Variants in RNLS observed in about 807,000 individuals in gnomAD.
The protein encoded by RNLS is renalase, FAD dependent amine oxidase.
A neutral mutation model predicts 39.8 loss-of-function variants in RNLS; 39 were observed. That is an observed-to-expected ratio of 0.98 (90% CI 0.76 to 1.28). The LOEUF (loss-of-function observed/expected upper bound fraction) is 1.28. Among genes scored for constraint, RNLS ranks in the 50% most tolerant of loss-of-function variants. The pLI is 0.00. For missense variants in RNLS, 410 were observed against 413.3 expected (o/e 0.99, Z 0.07); for synonymous variants, 147 against 150.7 (o/e 0.98, Z 0.18).
intron 4 of RNLS, among the ~76,000 whole-genome samples, chr10:88,424,664 G>A (rs779904551): frequency 2.0e-5 from 3 of 152,104 alleles, no homozygotes; most frequent in Non-Finnish European, 4.4e-5. Context: ...ATAGGGTAAC[G>A]AGTAAAAGAA....
At chr10:88,407,454 G>A (rs1853353659) in intron 4 of RNLS, among the ~76,000 whole-genome samples, 1 of 151,612 alleles carries the variant, frequency 6.6e-6, no homozygotes, top group South Asian at 2.1e-4. Context: ...GATGTGAGAG[G>A]AGAAATTTAA....
chr10:88,175,315 C>T, the RNLS span, among the ~76,000 whole-genome samples: 13 of 151,974 alleles, frequency 8.6e-5, no homozygotes, highest in Admixed American at 4.6e-4. Flanking sequence ...TCTTGCTTTT[C>T]GAGATCCTTA....
At chr10:88,283,934 C>A (rs1257022355), downstream of RNLS, among the ~76,000 whole-genome samples, 1 of 151,960 alleles carries the variant, frequency 6.6e-6, no homozygotes. Context: ...ATATAACAAA[C>A]CTGTATATGT....
chr10:88,490,302 G>A (rs1288956474), intron 4 of RNLS, among the ~76,000 whole-genome samples: 1 of 152,174 alleles, frequency 6.6e-6, no homozygotes, highest in East Asian at 1.9e-4. Flanking sequence ...AGAGGCAAAT[G>A]TAGTGTGCAC....
chr10:88,203,407 TATATAC>T, the RNLS span, among the ~76,000 whole-genome samples: 15 of 26,252 alleles, frequency 5.7e-4, 3 homozygotes, highest in East Asian at 2.0e-3. Context: ...TATATATATA[TATATAC>T]ACGTATGTGT....
At chr10:88,243,257 T>A in the RNLS span, among the ~76,000 whole-genome samples, 36 of 152,230 alleles carry the variant, frequency 2.4e-4, no homozygotes, top group African/African-American at 8.7e-4. Flanking sequence ...AGATTATTAC[T>A]GAGGCATTCA....
At chr10:88,272,233 A>G (rs984241788), downstream of RNLS, among the ~76,000 whole-genome samples, 11 of 152,196 alleles carry the variant, frequency 7.2e-5, no homozygotes, top group African/African-American at 2.7e-4. Context: ...CCCAGTTTAC[A>G]TTGTGGCCCA....
At chr10:88,259,944 G>T in the RNLS span, among the ~76,000 whole-genome samples, 1 of 152,098 alleles carries the variant, frequency 6.6e-6, no homozygotes, top group African/African-American at 2.4e-5. Flanking sequence ...GTTTCACCAT[G>T]TTGGCCAGGA....
At chr10:88,248,070 G>A in the RNLS span, among the ~76,000 whole-genome samples, 2 of 152,326 alleles carry the variant, frequency 1.3e-5, no homozygotes, top group Admixed American at 1.3e-4. Flanking sequence ...GTTGACTTAA[G>A]CCACCAAGTT....
intron 4 of RNLS, among the ~76,000 whole-genome samples, chr10:88,508,849 A>T (rs1398196567): frequency 2.0e-5 from 3 of 152,154 alleles, no homozygotes; most frequent in Non-Finnish European, 4.4e-5. Flanking sequence ...AATGTCAAAT[A>T]TTCTCATCGT....
chr10:88,346,090 G>A (rs966896999), intron 5 of RNLS, among the ~76,000 whole-genome samples: 19 of 152,046 alleles, frequency 1.2e-4, no homozygotes, highest in African/African-American at 4.6e-4. Context: ...ATATCATTCT[G>A]ATATAAAAAG....
At chr10:88,177,119 A>C in the RNLS span, among the ~76,000 whole-genome samples, 1 of 152,196 alleles carries the variant, frequency 6.6e-6, no homozygotes, top group Admixed American at 6.5e-5. Flanking sequence ...CTGGATGTCT[A>C]TATCTCTCAC....
intron 4 of RNLS, among the ~76,000 whole-genome samples, chr10:88,467,976 T>C (rs1264192716): frequency 6.6e-6 from 1 of 152,196 alleles, no homozygotes; most frequent in African/African-American, 2.4e-5. Context: ...CCAAACAATT[T>C]CCTGGCAGTC....
intron 5 of RNLS, among the ~76,000 whole-genome samples, chr10:88,321,825 GA>G (rs1218012391): frequency 6.6e-6 from 1 of 151,978 alleles, no homozygotes; most frequent in Non-Finnish European, 1.5e-5. Context: ...AACCAAAAAA[GA>G]AAAACAAAAA....
intron 5 of RNLS, among the ~76,000 whole-genome samples, chr10:88,354,065 T>C (rs980699815): frequency 2.6e-5 from 4 of 152,180 alleles, no homozygotes; most frequent in Non-Finnish European, 5.9e-5. Flanking sequence ...CTTGGTATGC[T>C]TGGTAGATCT....
intron 4 of RNLS, among the ~76,000 whole-genome samples, chr10:88,523,174 G>A (rs1197962104): frequency 6.6e-6 from 1 of 152,118 alleles, no homozygotes; most frequent in Non-Finnish European, 1.5e-5. Flanking sequence ...ACTTTCAGAA[G>A]AGTCATTTTT....
chr10:88,239,295 T>C, the RNLS span, among the ~76,000 whole-genome samples: 1 of 152,140 alleles, frequency 6.6e-6, no homozygotes, highest in Non-Finnish European at 1.5e-5. Context: ...CAAAGTTCCT[T>C]TGTCCTGCTG....
chr10:88,307,054 G>A (rs531037490), intron 6 of RNLS, among the ~76,000 whole-genome samples: 1 of 152,162 alleles, frequency 6.6e-6, no homozygotes, highest in African/African-American at 2.4e-5. Flanking sequence ...CATGTGAACA[G>A]AACTAAATAC....
At chr10:88,481,994 A>G (rs2134022348) in intron 4 of RNLS, among the ~76,000 whole-genome samples, 1 of 152,016 alleles carries the variant, frequency 6.6e-6, no homozygotes. Flanking sequence ...TTCTTCCAGT[A>G]TCTTTCAAAT....
Sources: gnomAD v4.1 joint callset for allele counts (sites outside exome capture counted in the v4.1 genomes callset) on GRCh38, gnomAD v4.1.1 for gene constraint, MANE v1.5 for transcripts, NCBI Gene and HGNC (gene_info 2026-07-23, HGNC 2026-07-21) for gene names.